The following MMP28 variants were observed in gnomAD, a reference collection of about 807,000 sequenced individuals.
MMP28 encodes the protein matrix metallopeptidase 28, also known as matrix metalloproteinase-28.
MMP28 carries 55 observed loss-of-function variants against 60.5 expected under a neutral mutation model. That is an observed-to-expected ratio of 0.91 (90% CI 0.73 to 1.14). The LOEUF is 1.14. MMP28 is among the 50% of genes most tolerant of loss of function. The pLI is 0.00. For synonymous variants in MMP28, 318 were observed against 312.5 expected (o/e 1.02, Z -0.18); for missense variants, 686 against 738.3 (o/e 0.93, Z 0.82).
rs372443837 is a variant in MMP28 at position 35,773,249 on chromosome 17, C to T, written c.535G>A (p.Ala179Thr). The T allele has an allele frequency of 5.1e-5, 83 of 1,614,014 alleles. 1 individual carries two copies. Among genetic ancestry groups the T allele is most frequent in the East Asian group, 3.6e-4 (16 of 44,874 alleles). The change falls in exon 4 of 8, where the codon GCT (alanine) becomes ACT (threonine). Residue 179 changes from alanine (A) to threonine (T), a missense_variant. Transcript: ENST00000605424. ...EFWEAPATGP[A>T]DIRLTFFQGD... is the part of the protein sequence containing the mutation. Reference sequence around the variant, plus strand: ...TGGAAGAAGGTGAGCCGGATGTCAGCGGGGCCTGTGGCTGGGGCCTCCCAG... The same window carrying T: ...TGGAAGAAGGTGAGCCGGATGTCAGTGGGGCCTGTGGCTGGGGCCTCCCAG...
Position 35,770,315 on chromosome 17 carries a change from G to T in MMP28, c.605-3C>A. ...GAAGGCGTGCGCCAGGGCGCCCCCT[G>T]CAGGTGGGGCAGAAGGTCAGGGGGT... On this transcript the variant is annotated splice_polypyrimidine_tract_variant and splice_region_variant and intron_variant, in intron 4 of 7. Coordinates refer to ENST00000605424, the MANE Select transcript of MMP28 (RefSeq NM_024302.5). 6.7e-7 allele frequency: 1 copy of T among 1,500,676 alleles called. No individual in the cohort carries two copies. Among genetic ancestry groups the T allele is most frequent in the Non-Finnish European group, 8.8e-7 (1 of 1,133,530 alleles). The allele number at this position is 1,500,676 out of a possible 1,614,324, so 93.0% of individuals were successfully genotyped here.
downstream of MMP28, chr17:35,764,418 G>A: frequency 6.6e-7 from 1 of 1,526,452 alleles, no homozygotes; most frequent in East Asian, 2.6e-5. Context: ...CCTGGTCCCC[G>A]CCGGCAGGAA....
At chr17:35,759,212 G>A (rs2085773928) in intron 2 of MMP28, among the ~76,000 whole-genome samples, 1 of 152,180 alleles carries the variant, frequency 6.6e-6, no homozygotes, top group African/African-American at 2.4e-5. Context: ...AAGAGCCATG[G>A]TGGCTTTCAG....
In MMP28 at chr17:35,766,781, G is replaced by A. The variant is rs367820262; in HGVS notation, c.1282C>T (p.Arg428Cys). 6.8e-5 allele frequency: 107 copies of A among 1,574,690 alleles called. No homozygotes were observed. In the African/African-American group the frequency reaches 7.6e-4, roughly 11 times the overall value. Residue 428 changes from arginine to cysteine, a missense_variant, in exon 8 of 8, where the codon CGC (arginine) becomes TGC (cysteine). By Grantham distance (180) the Arg-to-Cys change is radical. Transcript: ENST00000605424. This position sits in a 1 kb window ranked among gnomAD's most constrained non-coding sequence, Gnocchi z 4.3. ...PDAALFFPPL[R>C]RLILFKGARY... ...GCACCCTTGAAGAGGATGAGGCGGC[G>A]CAGAGGAGGGAAGAAGAGGGCGGCG...
rs1375861149 is a variant in MMP28, at chr17:35,771,750, TATATAA to T, written c.604+1424_604+1429del. On this transcript the variant is annotated intron_variant, in intron 4 of 7. Transcript: ENST00000605424. ...ATATATATATATATATATATATATA[TATATAA>T]AATTGTGTTCTTGCCCTCCTCTGCC... 3.0e-4 allele frequency among the ~76,000 whole-genome samples: 30 copies of T among 99,316 alleles called. 1 individual carries two copies. The highest frequency in any genetic ancestry group is 9.1e-4 in the Admixed American group (8 of 8,834). 65.2% of individuals were successfully genotyped at this position (99,316 alleles called of 152,430 possible).
At position 35,774,091 on chromosome 17, in the gene MMP28, TGAGA is replaced by T. The variant is rs1339068453; in HGVS notation, c.380-691_380-688del. 3.3e-5 allele frequency among the ~76,000 whole-genome samples: 5 copies of T among 152,348 alleles called. No individual in the cohort carries two copies. In the East Asian group the frequency reaches 5.8e-4, roughly 18 times the overall value. On this transcript the variant is annotated intron_variant, in intron 3 of 7. Coordinates refer to ENST00000605424, the MANE Select transcript of MMP28 (RefSeq NM_024302.5). Reference sequence around the variant, plus strand: ...ACAAAGCGTGTGTTTTGTCACTGACTGAGAGAAAGTTTTCCATCTCTGCTTTGTT... The same window carrying T: ...ACAAAGCGTGTGTTTTGTCACTGACTGAAAGTTTTCCATCTCTGCTTTGTT...
At chr17:35,763,409 G>A (rs1234274913), downstream of MMP28, among the ~76,000 whole-genome samples, 1 of 151,162 alleles carries the variant, frequency 6.6e-6, no homozygotes, top group African/African-American at 2.4e-5. Context: ...CAAGTAGCTG[G>A]GACCACAGGT....
chr17:35,779,171 A>G (rs930364155), intron 2 of MMP28, 73 bp downstream of exon 2: 12 of 1,566,606 alleles, frequency 7.7e-6, no homozygotes, highest in Non-Finnish European at 1.0e-5. Flanking sequence ...GGCTTCCAGG[A>G]GGAGGGAGGA....
In MMP28 at chr17:35,766,087, G is replaced by T. The variant is rs1202804424; in HGVS notation, c.*413C>A. ...CCGTTTTTCAAGAACTGAGCCAGGG[G>T]GTCCTGAGGAGAAGGGCACAGTCTT... On this transcript the variant is annotated 3_prime_UTR_variant, in exon 8 of 8. Coordinates refer to ENST00000605424, the MANE Select transcript of MMP28 (RefSeq NM_024302.5). The surrounding 1 kb of genome is among the most constrained non-coding windows in gnomAD (Gnocchi z 4.3). The T allele has an allele frequency of 2.0e-6, 2 of 995,654 alleles. No individual in the cohort carries two copies. The highest frequency in any genetic ancestry group is 1.2e-4 in the Admixed American group (2 of 17,206). 61.7% of individuals were successfully genotyped at this position (995,654 alleles called of 1,614,324 possible).
chr17:35,773,175 A>T lies in MMP28; in HGVS notation c.604+5T>A, dbSNP rs1001016079. On this transcript the variant is annotated splice_donor_5th_base_variant and intron_variant, in intron 4 of 7. Coordinates refer to ENST00000605424, the MANE Select transcript of MMP28 (RefSeq NM_024302.5). ...CTGTGCGGGAGGGAGGCTTTGTGCC[A>T]GCACCTGGGCCATCAAAGGCATTGC... is the stretch of plus-strand genomic sequence containing the variant. The T allele has an allele frequency of 1.2e-6, 2 of 1,612,038 alleles. No individual in the cohort carries two copies. Among genetic ancestry groups the T allele is most frequent in the Non-Finnish European group, 1.7e-6 (2 of 1,178,614 alleles).
intron 1 of MMP28, among the ~76,000 whole-genome samples, chr17:35,779,800 G>C (rs1555608861): frequency 6.6e-6 from 1 of 152,170 alleles, no homozygotes; most frequent in Non-Finnish European, 1.5e-5. Context: ...AATCGCAAGA[G>C]TGTTTATAAA....
At position 35,766,746 on chromosome 17, in the gene MMP28, G is replaced by A. The variant is rs1306250357; in HGVS notation, c.1317C>T (p.Tyr439=). The A allele has an allele frequency of 6.9e-6, 11 of 1,586,456 alleles. No individual in the cohort carries two copies. The highest frequency in any genetic ancestry group is 1.7e-4 in the Middle Eastern group (1 of 6,004). ...RLILFKGARY[Y]VLARGGLQVE... ...CTTGCAGTCCCCCTCGGGCCAGCACGTAGTAGCGGGCACCCTTGAAGAGGA... is the reference window on the plus strand; with the variant it reads ...CTTGCAGTCCCCCTCGGGCCAGCACATAGTAGCGGGCACCCTTGAAGAGGA... Residue 439 remains tyrosine (Y), a synonymous_variant, in exon 8 of 8, where the codon TAC becomes TAT. Coordinates refer to ENST00000605424, the MANE Select transcript of MMP28 (RefSeq NM_024302.5). The surrounding 1 kb of genome is among the most constrained non-coding windows in gnomAD (Gnocchi z 4.3).
At position 35,756,676 on chromosome 17, in the gene MMP28, C is replaced by T. The variant is rs1470180690; in HGVS notation, c.266-257G>A. 2.6e-5 allele frequency among the ~76,000 whole-genome samples: 4 copies of T among 151,752 alleles called. No homozygotes were observed. In the East Asian group the frequency reaches 7.9e-4, roughly 30 times the overall value. Reference sequence around the variant, plus strand: ...AGAGACAGGGTTTCACCATGTTGGCCAGGGTGGTCTCGAATTCCTGAGCTC... The same window carrying T: ...AGAGACAGGGTTTCACCATGTTGGCTAGGGTGGTCTCGAATTCCTGAGCTC... On this transcript the variant is annotated intron_variant, in intron 2 of 2. Coordinates refer to the MMP28 transcript ENST00000615317.
chr17:35,770,038 C>T lies in MMP28; in HGVS notation c.850+29G>A, dbSNP rs1309505508. ...GAGGCCTTGGGGGCAGGAGTGGGAC[C>T]AAGAGCGGGGCATGTCCCGGGGCCT... On this transcript the variant is annotated intron_variant, in intron 5 of 7. Transcript: ENST00000605424. The T allele has an allele frequency of 4.0e-6, 6 of 1,516,986 alleles. No homozygotes were observed. In the African/African-American group the frequency reaches 8.4e-5, roughly 21 times the overall value. 94.0% of individuals were successfully genotyped at this position (1,516,986 alleles called of 1,614,324 possible). A position where few individuals can be genotyped will look rare whatever the true frequency, so the allele number is the denominator to read the frequency against.
chr17:35,762,255 G>C (rs1555601687), downstream of MMP28, among the ~76,000 whole-genome samples: 1 of 152,132 alleles, frequency 6.6e-6, no homozygotes, highest in African/African-American at 2.4e-5. Context: ...CTCCCAAAGT[G>C]CTGGGATTAC....
At chr17:35,760,395 T>TTCCTAC (rs1222113868) in intron 2 of MMP28, among the ~76,000 whole-genome samples, 2 of 152,192 alleles carry the variant, frequency 1.3e-5, no homozygotes, top group Non-Finnish European at 2.9e-5. Context: ...CCTACTGGAC[T>TTCCTAC]TGGCACCATT....
At chr17:35,763,516 G>C (rs1555601936), downstream of MMP28, among the ~76,000 whole-genome samples, 1 of 148,574 alleles carries the variant, frequency 6.7e-6, no homozygotes, top group East Asian at 2.0e-4. Context: ...GAACTCTTGA[G>C]CTCAAGCCAT....
chr17:35,779,103 A>C, intron 2 of MMP28, 28 bp from the exon 3 acceptor site: 1 of 1,607,644 alleles, frequency 6.2e-7, no homozygotes, highest in Non-Finnish European at 8.5e-7. Context: ...CCGCAAGGGG[A>C]GGGTGAGTGG....
chr17:35,775,336 G>A (rs189405966), intron 3 of MMP28, among the ~76,000 whole-genome samples: 5 of 152,202 alleles, frequency 3.3e-5, no homozygotes, highest in African/African-American at 7.2e-5. Context: ...AAAGCTAGCC[G>A]CTTCAGGCCC....
Sources: allele counts gnomAD v4.1 joint callset (sites outside exome capture counted in the v4.1 genomes callset), GRCh38; gene constraint gnomAD v4.1.1; non-coding constraint Gnocchi (gnomAD v3.1); transcripts MANE v1.5; gene names NCBI Gene and HGNC (gene_info 2026-07-23, HGNC 2026-07-21).